Variants in CLIP1 observed in about 807,000 individuals in gnomAD.
CLIP1 encodes the protein CAP-Gly domain containing linker protein 1.
Under a neutral mutation model 161.6 loss-of-function variants are expected in CLIP1, and 66 were observed. That is an observed-to-expected ratio of 0.41 (90% CI 0.33 to 0.50). The LOEUF (loss-of-function observed/expected upper bound fraction) is 0.50. Among genes scored for constraint, CLIP1 ranks in the 20% least tolerant of loss-of-function variants. CLIP1 has a pLI of 0.27. For synonymous variants in CLIP1, 598 were observed against 626.2 expected, an observed-to-expected ratio of 0.96 and a Z score of 0.67; for missense variants, 1,376 against 1,702.0, an observed-to-expected ratio of 0.81 and a Z score of 3.37.
chr12:122,318,150 T>G (rs1433344516), intron 18 of CLIP1, among the ~76,000 whole-genome samples: 1 of 152,228 alleles, frequency 6.6e-6, no homozygotes, highest in Non-Finnish European at 1.5e-5. Flanking sequence ...ACCTCCACAA[T>G]GAGGAGGCCT....
At chr12:122,335,579 G>A (rs1952179816) in intron 12 of CLIP1, among the ~76,000 whole-genome samples, 1 of 152,064 alleles carries the variant, frequency 6.6e-6, no homozygotes, top group Non-Finnish European at 1.5e-5. Flanking sequence ...GGCCGAGGAG[G>A]GCAGATCACT....
At chr12:122,412,618 G>A (rs1454107599) in intron 1 of CLIP1, among the ~76,000 whole-genome samples, 1 of 151,938 alleles carries the variant, frequency 6.6e-6, no homozygotes, top group Non-Finnish European at 1.5e-5. Context: ...TCACGCCACT[G>A]CACTCCAGCC....
chr12:122,383,897 T>C (rs1047749188), intron 1 of CLIP1, among the ~76,000 whole-genome samples: 4 of 152,040 alleles, frequency 2.6e-5, no homozygotes, highest in African/African-American at 9.7e-5. Flanking sequence ...TTTGAATTTT[T>C]GACACTTGTG....
intron 17 of CLIP1, among the ~76,000 whole-genome samples, chr12:122,320,787 G>A (rs1214795587): frequency 1.3e-5 from 2 of 150,560 alleles, no homozygotes; most frequent in African/African-American, 4.9e-5. Context: ...TCAGCTCACT[G>A]CAACCTCCGC....
chr12:122,293,291 A>G (rs896652709), intron 20 of CLIP1, among the ~76,000 whole-genome samples: 10 of 152,136 alleles, frequency 6.6e-5, no homozygotes, highest in Non-Finnish European at 1.5e-4. Flanking sequence ...TACACTCCAC[A>G]TGCCACCTGG....
intron 18 of CLIP1, among the ~76,000 whole-genome samples, chr12:122,317,696 T>C (rs1000674358): frequency 6.6e-6 from 1 of 152,192 alleles, no homozygotes; most frequent in Non-Finnish European, 1.5e-5. Flanking sequence ...AAGGGAGCTA[T>C]CTCCTTTTGC....
At chr12:122,327,684 C>T (rs1176044856) in intron 17 of CLIP1, among the ~76,000 whole-genome samples, 1 of 151,950 alleles carries the variant, frequency 6.6e-6, no homozygotes, top group East Asian at 1.9e-4. Flanking sequence ...CTCTGGGAAA[C>T]AAGCAGCACA....
chr12:122,352,835 A>G lies in CLIP1; in HGVS notation c.1308-49T>C, dbSNP rs369162214. ...ACACTTAAGAAACTAAGTAACACAC[A>G]GCCTTTAAAAAAACAAAACAAACAA... On this transcript the variant is annotated intron_variant, in intron 7 of 25. Transcript: ENST00000620786. 2.0e-6 allele frequency: 3 copies of G among 1,480,996 alleles called. No individual in the cohort carries two copies. The African/African-American group carries it at 4.2e-5, about 21-fold the overall frequency. The allele number at this position is 1,480,996 out of a possible 1,614,324, so 91.7% of individuals were successfully genotyped here. A position where few individuals can be genotyped will look rare whatever the true frequency, so the allele number is the denominator to read the frequency against.
In CLIP1 at chr12:122,354,414, G is replaced by A. The variant is rs768903769; in HGVS notation, c.1307+39C>T. ...TGTCTCAAAAACAAAAAAAAAGGGG[G>A]AAAGGCCACACTTGCACCAGGAAAC... On this transcript the variant is annotated intron_variant, in intron 7 of 25. Coordinates refer to ENST00000620786, the MANE Select transcript of CLIP1 (RefSeq NM_001247997.2). 3.3e-6 allele frequency: 5 copies of A among 1,537,322 alleles called. No individual in the cohort carries two copies. The East Asian group carries it at 9.1e-5, about 28-fold the overall frequency.
intron 20 of CLIP1, among the ~76,000 whole-genome samples, chr12:122,296,879 A>C (rs928801331): frequency 6.6e-6 from 1 of 151,716 alleles, no homozygotes; most frequent in African/African-American, 2.4e-5. Flanking sequence ...AAAAAAAAAA[A>C]AAAACATGCA....
chr12:122,296,997 G>A (rs1215853175), intron 20 of CLIP1, among the ~76,000 whole-genome samples: 1 of 151,896 alleles, frequency 6.6e-6, no homozygotes, highest in Non-Finnish European at 1.5e-5. Context: ...TGCTCACTCT[G>A]CTTCTGTGTA....
intron 20 of CLIP1, among the ~76,000 whole-genome samples, chr12:122,306,365 A>C (rs1950874332): frequency 6.6e-6 from 1 of 152,236 alleles, no homozygotes; most frequent in African/African-American, 2.4e-5. Context: ...CATCTAAAAA[A>C]TGGAAAGAGC....
chr12:122,315,766 G>A (rs1178115379), intron 19 of CLIP1, among the ~76,000 whole-genome samples: 1 of 151,104 alleles, frequency 6.6e-6, no homozygotes, highest in Non-Finnish European at 1.5e-5. Flanking sequence ...TTAGCCTCCT[G>A]AGTAGCTGAG....
intron 1 of CLIP1, among the ~76,000 whole-genome samples, chr12:122,417,068 C>G (rs1261870648): frequency 6.6e-6 from 1 of 151,778 alleles, no homozygotes; most frequent in Non-Finnish European, 1.5e-5. Context: ...AAGGCTGAGG[C>G]AGGCAGATCA....
chr12:122,414,214 C>A lies in CLIP1; in HGVS notation c.-107+8307G>T, dbSNP rs145653837. ...AGTGCAGTGGCGTGAACACAGCTCA[C>A]TGTAGCCTCCTGGGATCAGATTTCT... is the stretch of plus-strand genomic sequence containing the variant. On this transcript the variant is annotated intron_variant, in intron 1 of 25. Transcript: ENST00000620786. Among the ~76,000 whole-genome samples the A allele has an allele frequency of 2.9e-3, 437 of 152,254 alleles. 2 individuals are homozygous for A. Among genetic ancestry groups the A allele is most frequent in the African/African-American group, 0.01 (420 of 41,558 alleles).
intron 20 of CLIP1, among the ~76,000 whole-genome samples, chr12:122,289,170 A>G (rs1168037464): frequency 1.3e-5 from 2 of 151,296 alleles, no homozygotes; most frequent in East Asian, 2.0e-4. Flanking sequence ...GGTGGCTCAC[A>G]CCTGTAATCT....
At chr12:122,276,307 A>G in intron 24 of CLIP1, 1 of 1,088,266 alleles carries the variant, frequency 9.2e-7, no homozygotes, top group Admixed American at 3.7e-5. Context: ...TGCATTTTCT[A>G]AGTCATTATC....
At chr12:122,343,560 TCCCCTAAC>T (rs1044076929) in intron 10 of CLIP1, 1 of 152,202 alleles carries the variant, frequency 6.6e-6, no homozygotes, top group African/African-American at 2.4e-5. Context: ...AACATCTTCT[TCCCCTAAC>T]CCCCTAACCC....
chr12:122,334,521 G>T, intron 13 of CLIP1, 127 bp downstream of exon 13: 1 of 665,954 alleles, frequency 1.5e-6, no homozygotes. Flanking sequence ...TTCTGAGCAC[G>T]GCAGGAACTT....
Sources: allele counts gnomAD v4.1 joint callset (sites outside exome capture counted in the v4.1 genomes callset), GRCh38; gene constraint gnomAD v4.1.1; transcripts MANE v1.5; gene names NCBI Gene and HGNC (gene_info 2026-07-23, HGNC 2026-07-21).